Variants in ATP8B4 observed in about 807,000 individuals in gnomAD.
The protein encoded by ATP8B4 is probable phospholipid-transporting ATPase IM.
ATP8B4 carries 133 observed loss-of-function variants against 145.6 expected under a neutral mutation model. The ratio of observed to expected loss-of-function variants is 0.91; its 90% CI spans 0.79 to 1.05. ATP8B4 has a LOEUF of 1.05. Among genes scored for constraint, ATP8B4 ranks in the 50% least tolerant of loss-of-function variants. ATP8B4 has a pLI of 0.00. For synonymous variants in ATP8B4, 507 were observed against 492.9 expected, an observed-to-expected ratio of 1.03 and a Z score of -0.38; for missense variants, 1,458 against 1,425.2, an observed-to-expected ratio of 1.02 and a Z score of -0.37.
At chr15:50,073,011 T>TACAC (rs1258285953) in intron 3 of ATP8B4, among the ~76,000 whole-genome samples, 1 of 44,792 alleles carries the variant, frequency 2.2e-5, no homozygotes, top group African/African-American at 1.0e-4. Flanking sequence ...TATATATATA[T>TACAC]ATATATATAC....
At chr15:50,140,026 T>C (rs2044186244) in intron 1 of ATP8B4, among the ~76,000 whole-genome samples, 1 of 152,022 alleles carries the variant, frequency 6.6e-6, no homozygotes, top group Admixed American at 6.6e-5. Context: ...AGGGGAATGA[T>C]GGAAGGGGAG....
At chr15:49,876,153 T>G (rs2034382190) in intron 25 of ATP8B4, 125 bp downstream of exon 25, 1 of 1,323,316 alleles carries the variant, frequency 7.6e-7, no homozygotes, top group Non-Finnish European at 1.0e-6. Flanking sequence ...AATGTGTACT[T>G]AAAAGGACAG....
chr15:49,983,640 T>C (rs1223989586), intron 10 of ATP8B4, among the ~76,000 whole-genome samples: 2 of 152,202 alleles, frequency 1.3e-5, no homozygotes, highest in African/African-American at 4.8e-5. Context: ...ACAAACAGTG[T>C]TGGCAAGATT....
intron 20 of ATP8B4, among the ~76,000 whole-genome samples, chr15:49,910,116 A>G (rs2039076917): frequency 6.6e-6 from 1 of 152,188 alleles, no homozygotes; most frequent in Non-Finnish European, 1.5e-5. Context: ...ACAATTCAGG[A>G]TATGATTGAG....
intron 20 of ATP8B4, among the ~76,000 whole-genome samples, chr15:49,910,953 A>G (rs1263495537): frequency 6.6e-6 from 1 of 152,112 alleles, no homozygotes; most frequent in African/African-American, 2.4e-5. Flanking sequence ...TAAGAACAAC[A>G]CATAAAAGTG....
rs543839281 is a variant in ATP8B4 at position 50,043,600 on chromosome 15, T to G, written c.300+994A>C. Among the ~76,000 whole-genome samples the G allele has an allele frequency of 3.0e-4, 45 of 152,308 alleles. 1 individual carries two copies. Among genetic ancestry groups the G allele is most frequent in the Admixed American group, 2.9e-3 (44 of 15,306 alleles). ...TTCCACTTAATGAATAGCATATATA[T>G]TTCTCTTCTTCATAATTTTCTTAAT... On this transcript the variant is annotated intron_variant, in intron 5 of 27. Coordinates refer to ENST00000284509, the MANE Select transcript of ATP8B4 (RefSeq NM_024837.4).
intron 3 of ATP8B4, among the ~76,000 whole-genome samples, chr15:50,060,077 G>A (rs111679613): frequency 0.032 from 4,916 of 152,130 alleles, 268 homozygotes; most frequent in African/African-American, 0.11. Flanking sequence ...AGGCTAAAAG[G>A]CACTTGCCTC....
At chr15:49,940,958 C>A (rs1161865989) in intron 14 of ATP8B4, among the ~76,000 whole-genome samples, 2 of 151,940 alleles carry the variant, frequency 1.3e-5, no homozygotes, top group East Asian at 1.9e-4. Context: ...ACAGAGAGAG[C>A]AAGACAGAGA....
chr15:50,056,316 A>G (rs1188736562), intron 3 of ATP8B4, among the ~76,000 whole-genome samples: 8 of 152,190 alleles, frequency 5.3e-5, no homozygotes, highest in Admixed American at 5.2e-4. Context: ...AGACCCTCCC[A>G]TCATCGAGTA....
chr15:49,860,404 T>G lies in ATP8B4; in HGVS notation c.3369A>C (p.Ser1123=). The G allele has an allele frequency of 6.2e-7, 1 of 1,614,134 alleles. No homozygotes were observed. The highest frequency in any genetic ancestry group is 1.7e-5 in the Admixed American group (1 of 60,028). Residue 1123 remains serine (S), a synonymous_variant, in exon 28 of 28, where the codon TCA becomes TCC. Coordinates refer to ENST00000284509, the MANE Select transcript of ATP8B4 (RefSeq NM_024837.4). ...PSSRRPRTRR[S]SSRRSGYAFA... ...AAGCATATCCAGACCTTCTTGAGCT[T>G]GACCTGCGGGTCCGAGGCCTTCGGC...
At position 49,898,136 on chromosome 15, in the gene ATP8B4, A is replaced by G; in HGVS notation, c.2405T>C (p.Val802Ala). 1.9e-6 allele frequency: 3 copies of G among 1,613,946 alleles called. No individual in the cohort carries two copies. The highest frequency in any genetic ancestry group is 2.5e-6 in the Non-Finnish European group (3 of 1,179,884). Residue 802 changes from valine to alanine, a missense_variant, in exon 22 of 28, where the codon GTG becomes GCG. Val to Ala is a moderately conservative substitution (Grantham distance 64). Transcript: ENST00000284509. ...AGTAACAGCATTTCTGTACTTCTTC[A>G]CCAGCTCTACCACTTGGGCTTTCTG... Reference protein sequence around the residue: ...PLQKAQVVELVKKYRNAVTLA... With the variant: ...PLQKAQVVELAKKYRNAVTLA...
At chr15:49,948,281 C>CAAAAAAAAAAAA (rs35575312) in intron 14 of ATP8B4, among the ~76,000 whole-genome samples, 3 of 112,302 alleles carry the variant, frequency 2.7e-5, no homozygotes, top group African/African-American at 6.7e-5. Flanking sequence ...ACTAAAAATA[C>CAAAAAAAAAAAA]AAAAAAAAAA....
chr15:50,083,979 G>T (rs879412545), intron 2 of ATP8B4, among the ~76,000 whole-genome samples: 1 of 152,132 alleles, frequency 6.6e-6, no homozygotes, highest in Non-Finnish European at 1.5e-5. Context: ...ACAGGCCAGA[G>T]AGCCACAGCA....
At chr15:49,905,619 G>A (rs2038527166) in intron 20 of ATP8B4, among the ~76,000 whole-genome samples, 1 of 152,168 alleles carries the variant, frequency 6.6e-6, no homozygotes, top group Non-Finnish European at 1.5e-5. Flanking sequence ...ACAAGTCTGA[G>A]TAGAAATAAC....
At chr15:50,042,129 T>C (rs908387988) in intron 5 of ATP8B4, among the ~76,000 whole-genome samples, 3 of 148,186 alleles carry the variant, frequency 2.0e-5, no homozygotes, top group Non-Finnish European at 4.4e-5. Context: ...CACTCCAACC[T>C]GGGTGACAGA....
At chr15:50,009,713 G>T (rs760513706) in intron 7 of ATP8B4, 9 of 454,364 alleles carry the variant, frequency 2.0e-5, no homozygotes, top group South Asian at 1.2e-4. Context: ...TTAAATTGTG[G>T]CTTAAATAAA....
Position 49,859,946 on chromosome 15 carries a change from A to T in ATP8B4, c.*248T>A. The T allele has an allele frequency of 2.3e-6, 1 of 433,218 alleles. No individual in the cohort carries two copies. 26.8% of individuals were successfully genotyped at this position (433,218 alleles called of 1,614,324 possible). ...ATCTAGGTTGATTTAAAAAAAAAAA[A>T]AATCTGTACTTGTAACAGCGAGTGT... On this transcript the variant is annotated 3_prime_UTR_variant, in exon 28 of 28. Transcript: ENST00000284509.
chr15:50,105,779 C>T (rs2056648220), intron 2 of ATP8B4, among the ~76,000 whole-genome samples: 1 of 152,110 alleles, frequency 6.6e-6, no homozygotes, highest in African/African-American at 2.4e-5. Flanking sequence ...ATATGAATTA[C>T]TGTTTAAGAG....
intron 3 of ATP8B4, among the ~76,000 whole-genome samples, chr15:50,050,651 G>T (rs1341287669): frequency 6.7e-6 from 1 of 149,594 alleles, no homozygotes; most frequent in African/African-American, 2.5e-5. Context: ...TGCACCAAAA[G>T]AAATTTTAAT....
Sources: allele counts gnomAD v4.1 joint callset (sites outside exome capture counted in the v4.1 genomes callset), GRCh38; gene constraint gnomAD v4.1.1; transcripts MANE v1.5; gene names NCBI Gene and HGNC (gene_info 2026-07-23, HGNC 2026-07-21).